The following DMD variants were observed in gnomAD, a reference collection of about 807,000 sequenced individuals.
DMD encodes the protein mutant dystrophin.
In DMD, 63 loss-of-function variants were observed where a neutral mutation model predicts 330.1. The ratio of observed to expected loss-of-function variants is 0.19; its 90% CI spans 0.16 to 0.24. DMD has a LOEUF of 0.24. Ranked by LOEUF, DMD falls within the 10% of genes least tolerant of loss-of-function variation. The probability of loss-of-function intolerance (pLI) is 1.00; values close to 1 mark genes in which losing one functional copy is unlikely to be tolerated. For synonymous variants in DMD, 1,223 were observed against 959.8 expected, an observed-to-expected ratio of 1.27 and a Z score of -5.07; for missense variants, 3,344 against 2,684.1, an observed-to-expected ratio of 1.25 and a Z score of -5.43.
At chrX:31,485,794 C>T (rs778683057) in intron 57 of DMD, among the ~76,000 whole-genome samples, 3 of 112,052 alleles carry the variant, frequency 2.7e-5, no homozygotes, top group South Asian at 3.7e-4. Flanking sequence ...GCTTGCCTGG[C>T]GCTGAATTTT....
At chrX:31,139,474 T>TATAC (rs748257221) in intron 76 of DMD, among the ~76,000 whole-genome samples, 1 of 98,585 alleles carries the variant, frequency 1.0e-5, no homozygotes, top group Non-Finnish European at 2.0e-5. Flanking sequence ...GGTGTTTATA[T>TATAC]ACACACACAC....
chrX:32,262,251 G>A (rs1028375413), intron 43 of DMD, among the ~76,000 whole-genome samples: 1 of 111,936 alleles, frequency 8.9e-6, no homozygotes, highest in Non-Finnish European at 1.9e-5. Flanking sequence ...AGGCAGACCA[G>A]AAATAAGGTA....
At chrX:32,754,780 G>C (rs1035284634) in intron 7 of DMD, among the ~76,000 whole-genome samples, 4 of 111,626 alleles carry the variant, frequency 3.6e-5, no homozygotes, top group Non-Finnish European at 5.6e-5. Flanking sequence ...TTATAGAAAT[G>C]ATGCAATATA....
At chrX:31,869,848 C>T (rs2093862360) in intron 48 of DMD, among the ~76,000 whole-genome samples, 1 of 111,493 alleles carries the variant, frequency 9.0e-6, no homozygotes, top group African/African-American at 3.3e-5. Context: ...CTACTGCCAT[C>T]CTCACTCTAC....
chrX:31,709,639 C>T, intron 52 of DMD, among the ~76,000 whole-genome samples: 1 of 101,491 alleles, frequency 9.9e-6, no homozygotes, highest in South Asian at 4.6e-4. Context: ...GAAATATTTG[C>T]GTTTGGGGTC....
At chrX:31,258,154 G>A (rs1187298630) in intron 63 of DMD, among the ~76,000 whole-genome samples, 1 of 112,167 alleles carries the variant, frequency 8.9e-6, no homozygotes, top group Non-Finnish European at 1.9e-5. Context: ...ACTTTACCTA[G>A]TAAATAAAAT....
chrX:32,849,493 G>T (rs1284185650), intron 3 of DMD, among the ~76,000 whole-genome samples: 1 of 111,639 alleles, frequency 9.0e-6, no homozygotes, highest in African/African-American at 3.3e-5. Context: ...ATACCAAGTA[G>T]TAAAACTGAA....
intron 44 of DMD, among the ~76,000 whole-genome samples, chrX:32,175,934 A>G (rs768809731): frequency 1.8e-5 from 2 of 112,166 alleles, no homozygotes; most frequent in South Asian, 3.7e-4. Flanking sequence ...AATAAACTCA[A>G]TTGAAGTATG....
intron 1 of DMD, among the ~76,000 whole-genome samples, chrX:33,304,968 G>A (rs1257932493): frequency 9.2e-5 from 10 of 108,314 alleles, no homozygotes; most frequent in African/African-American, 1.3e-4. Flanking sequence ...CACTGTTGGC[G>A]GGACTGTAAA....
chrX:33,050,619 C>T (rs772939086), intron 1 of DMD, among the ~76,000 whole-genome samples: 1 of 111,461 alleles, frequency 9.0e-6, no homozygotes, highest in East Asian at 2.8e-4. Context: ...TGATTTCAAC[C>T]TCTAGCCTTC....
At chrX:31,500,036 C>T (rs1421686989) in intron 56 of DMD, among the ~76,000 whole-genome samples, 4 of 109,803 alleles carry the variant, frequency 3.6e-5, no homozygotes, top group Non-Finnish European at 5.7e-5. Context: ...CAAATTGCTT[C>T]ATTTTTTTCC....
intron 13 of DMD, among the ~76,000 whole-genome samples, chrX:32,586,347 TAC>T: frequency 9.2e-6 from 1 of 108,730 alleles, no homozygotes; most frequent in African/African-American, 3.4e-5. Context: ...ATAAACTATA[TAC>T]ATATATAAAC....
At position 32,464,125 on chromosome X, in the gene DMD, G is replaced by C. The variant is rs140999485; in HGVS notation, c.3276+461C>G. 9.8e-5 allele frequency among the ~76,000 whole-genome samples: 11 copies of C among 111,988 alleles called. No individual in the cohort carries two copies. In the East Asian group the frequency reaches 1.7e-3, roughly 17 times the overall value. ...TTATATTATAGTACAGTGCATTATAGATGAAGAGAACAACACAGTATGAAT... is the reference window on the plus strand; with the variant it reads ...TTATATTATAGTACAGTGCATTATACATGAAGAGAACAACACAGTATGAAT... On this transcript the variant is annotated intron_variant, in intron 24 of 78. Coordinates refer to ENST00000357033, the MANE Select transcript of DMD (RefSeq NM_004006.3).
intron 18 of DMD, among the ~76,000 whole-genome samples, chrX:32,502,361 T>G (rs2044145451): frequency 8.9e-6 from 1 of 111,747 alleles, no homozygotes; most frequent in South Asian, 3.7e-4. Context: ...CTAATTTTTC[T>G]TTCAAAAATA....
At chrX:33,271,088 A>G (rs1003893872) in intron 1 of DMD, among the ~76,000 whole-genome samples, 40 of 111,748 alleles carry the variant, frequency 3.6e-4, no homozygotes, top group Non-Finnish European at 5.5e-4. Context: ...ATTACTATCA[A>G]TGAACATTTA....
intron 62 of DMD, among the ~76,000 whole-genome samples, chrX:31,308,745 T>C (rs954495408): frequency 9.1e-6 from 1 of 110,307 alleles, no homozygotes; most frequent in Non-Finnish European, 1.9e-5. Context: ...TTTTTTTCTT[T>C]GGAGATGGAG....
At chrX:32,100,588 ATGGTATATATCTCT>A (rs1364501907) in intron 44 of DMD, among the ~76,000 whole-genome samples, 1 of 110,986 alleles carries the variant, frequency 9.0e-6, no homozygotes, top group Non-Finnish European at 1.9e-5. Context: ...AAAACATAGC[ATGGTATATATCTCT>A]TGCTATCTGT....
At chrX:32,689,931 A>T (rs2063151027) in intron 9 of DMD, among the ~76,000 whole-genome samples, 1 of 111,165 alleles carries the variant, frequency 9.0e-6, no homozygotes, top group Non-Finnish European at 1.9e-5. Context: ...ATATATAAAA[A>T]GATCGCAGGT....
At chrX:32,662,735 A>T (rs2061027499) in intron 9 of DMD, among the ~76,000 whole-genome samples, 1 of 111,902 alleles carries the variant, frequency 8.9e-6, no homozygotes, top group African/African-American at 3.2e-5. Context: ...TACCTCAACA[A>T]GAAAGTTAAG....
Sources: gnomAD v4.1 joint callset for allele counts (sites outside exome capture counted in the v4.1 genomes callset) on GRCh38, gnomAD v4.1.1 for gene constraint, MANE v1.5 for transcripts, NCBI Gene and HGNC (gene_info 2026-07-23, HGNC 2026-07-21) for gene names.